Variants in ARHGAP35 observed in about 807,000 individuals in gnomAD.
ARHGAP35 encodes the protein rho GTPase-activating protein 35.
In ARHGAP35, 15 loss-of-function variants were observed where a neutral mutation model predicts 111.1. The observed-to-expected ratio is 0.13, with a 90% confidence interval of 0.09 to 0.21. ARHGAP35 has a LOEUF of 0.21. Ranked by LOEUF, ARHGAP35 falls within the 10% of genes least tolerant of loss-of-function variation. The pLI, the probability that ARHGAP35 is intolerant of heterozygous loss-of-function variation, is 1.00. For missense variants in ARHGAP35, 1,262 were observed against 1,873.0 expected (o/e 0.67, Z 6.02); for synonymous variants, 643 against 710.3 (o/e 0.91, Z 1.51).
chr19:46,994,731 G>T lies in ARHGAP35; in HGVS notation c.4037-4573G>T, dbSNP rs1198888481. 6.6e-6 allele frequency among the ~76,000 whole-genome samples: 1 copy of T among 152,136 alleles called. No individual in the cohort carries two copies. Among genetic ancestry groups the T allele is most frequent in the Non-Finnish European group, 1.5e-5 (1 of 68,032 alleles). Reference sequence around the variant, plus strand: ...TAGACCGTAAGCGGCAGGGAATTTGGTTTTTGTCCCCTACTGCATCCCCAG... The same window carrying T: ...TAGACCGTAAGCGGCAGGGAATTTGTTTTTTGTCCCCTACTGCATCCCCAG... On this transcript the variant is annotated intron_variant, in intron 5 of 6. Transcript: ENST00000672722. The surrounding 1 kb of genome is among the most constrained non-coding windows in gnomAD (Gnocchi z 5.4).
rs886988454 is a variant in ARHGAP35, at chr19:46,892,761, T to G, written c.-188-25727T>G. Among the ~76,000 whole-genome samples the G allele has an allele frequency of 3.3e-5, 5 of 151,798 alleles. No homozygotes were observed. The East Asian group carries it at 5.8e-4, about 18-fold the overall frequency. On this transcript the variant is annotated intron_variant, in intron 1 of 6. Coordinates refer to ENST00000672722, the MANE Select transcript of ARHGAP35 (RefSeq NM_004491.5). The stretch of plus-strand genomic sequence containing the variant: ...AATAATTGTTAGCTGCTTGTCCTCA[T>G]AGTTCTTTCCATAGGTTGATTCTGA...
intron 1 of ARHGAP35, among the ~76,000 whole-genome samples, chr19:46,870,452 G>A (rs981542058): frequency 1.3e-5 from 2 of 151,752 alleles, no homozygotes; most frequent in Non-Finnish European, 2.9e-5. Flanking sequence ...GGTGGCGGGC[G>A]CCTGTAGTCC....
At chr19:46,910,300 A>AT (rs895382703) in intron 1 of ARHGAP35, among the ~76,000 whole-genome samples, 25 of 150,414 alleles carry the variant, frequency 1.7e-4, no homozygotes, top group African/African-American at 4.9e-4. Flanking sequence ...TTTTTCTTTT[A>AT]TTTTTTTTGA....
chr19:46,871,920 C>T (rs1286545267), intron 1 of ARHGAP35, among the ~76,000 whole-genome samples: 1 of 151,970 alleles, frequency 6.6e-6, no homozygotes, highest in Non-Finnish European at 1.5e-5. Context: ...ACAGAGGTTG[C>T]AGTGAGCGGA....
chr19:46,995,084 C>A (rs1049579912), intron 5 of ARHGAP35, among the ~76,000 whole-genome samples: 1 of 152,170 alleles, frequency 6.6e-6, no homozygotes, highest in African/African-American at 2.4e-5. Flanking sequence ...GTGCCTCCCC[C>A]AGTCCTGAGT....
intron 2 of ARHGAP35, among the ~76,000 whole-genome samples, chr19:46,923,794 G>A (rs1411258224): frequency 2.6e-5 from 4 of 151,528 alleles, no homozygotes; most frequent in Non-Finnish European, 5.9e-5. Flanking sequence ...GGTGGCAGGC[G>A]CCTATAGTCC....
intron 2 of ARHGAP35, among the ~76,000 whole-genome samples, chr19:46,928,482 T>A (rs951937852): frequency 8.6e-5 from 13 of 152,008 alleles, no homozygotes; most frequent in African/African-American, 2.7e-4. Context: ...AAGTCCAAAT[T>A]CAGTGTGTGT....
At chr19:46,957,783 C>T (rs140764724) in intron 3 of ARHGAP35, among the ~76,000 whole-genome samples, 10 of 152,148 alleles carry the variant, frequency 6.6e-5, no homozygotes, top group Non-Finnish European at 1.2e-4. Context: ...CTGTGCTTCT[C>T]GCATTCGTGC....
rs890162390 is a variant in ARHGAP35, at chr19:46,926,602, C to T, written c.3681+4246C>T. Reference sequence around the variant, plus strand: ...AAGACATTATTGGCTATTTACCCTTCTATCTGATGTGTTCTTATTTTGGTG... The same window carrying T: ...AAGACATTATTGGCTATTTACCCTTTTATCTGATGTGTTCTTATTTTGGTG... On this transcript the variant is annotated intron_variant, in intron 2 of 6. Coordinates refer to ENST00000672722, the MANE Select transcript of ARHGAP35 (RefSeq NM_004491.5). The surrounding 1 kb of genome is among the most constrained non-coding windows in gnomAD (Gnocchi z 4.1). Among the ~76,000 whole-genome samples the T allele has an allele frequency of 6.6e-6, 1 of 151,884 alleles. No homozygotes were observed. The highest frequency in any genetic ancestry group is 2.4e-5 in the African/African-American group (1 of 41,314).
chr19:46,880,167 T>C (rs933891228), intron 1 of ARHGAP35, among the ~76,000 whole-genome samples: 1 of 152,040 alleles, frequency 6.6e-6, no homozygotes, highest in Non-Finnish European at 1.5e-5. Context: ...GGCGTGTGGC[T>C]CACGCCTGTA....
chr19:46,957,159 C>T (rs2056444305), intron 3 of ARHGAP35, among the ~76,000 whole-genome samples: 1 of 151,884 alleles, frequency 6.6e-6, no homozygotes, highest in Non-Finnish European at 1.5e-5. Flanking sequence ...GACGGGGTTT[C>T]ACCATGTTAG....
rs199897795 is a variant in ARHGAP35, at chr19:46,919,654, C to T, written c.979C>T (p.Arg327Cys). The change falls in exon 2 of 7, where the codon CGC (arginine) becomes TGC (cysteine). Residue 327 changes from arginine to cysteine, a missense_variant. Arg to Cys is a radical substitution (Grantham distance 180). Around this residue, in one of 8 missense-constraint regions of ARHGAP35, gnomAD observed 328 missense variants for 440.8 expected, o/e 0.74. Coordinates refer to ENST00000672722, the MANE Select transcript of ARHGAP35 (RefSeq NM_004491.5). This position sits in a 1 kb window ranked among gnomAD's most constrained non-coding sequence, Gnocchi z 6.2. The part of the protein sequence containing the change: ...AKKLFLQHIH[R>C]LKHEHIERRR... ...GAAGCTGTTTCTACAGCACATCCAC[C>T]GCCTCAAGCATGAGCATATCGAGCG... The T allele has an allele frequency of 1.8e-5, 29 of 1,613,932 alleles. No individual in the cohort carries two copies. The highest frequency in any genetic ancestry group is 1.8e-4 in the South Asian group (16 of 91,072).
intron 2 of ARHGAP35, among the ~76,000 whole-genome samples, chr19:46,928,466 G>A (rs993619471): frequency 3.3e-5 from 5 of 152,138 alleles, no homozygotes; most frequent in South Asian, 4.1e-4. Context: ...GACCCATAGC[G>A]TTGGAAAGTC....
rs760530208 is a variant in ARHGAP35, at chr19:46,919,209, C to T, written c.534C>T (p.Leu178=). The T allele has an allele frequency of 6.2e-7, 1 of 1,613,900 alleles. No individual in the cohort carries two copies. The highest frequency in any genetic ancestry group is 8.5e-7 in the Non-Finnish European group (1 of 1,179,876). The change falls in exon 2 of 7, where the codon CTC becomes CTT. Residue 178 remains leucine, a synonymous_variant. Transcript: ENST00000672722. This position sits in a 1 kb window ranked among gnomAD's most constrained non-coding sequence, Gnocchi z 6.2. ...RGMNRNFDDQ[L]KFVSNLYNQL... is the part of the protein sequence containing the mutation. Reference sequence around the variant, plus strand: ...TGAATAGGAACTTTGATGACCAGCTCAAGTTTGTCTCCAATCTCTACAATC... The same window carrying T: ...TGAATAGGAACTTTGATGACCAGCTTAAGTTTGTCTCCAATCTCTACAATC...
chr19:46,901,616 C>T lies in ARHGAP35; in HGVS notation c.-188-16872C>T, dbSNP rs1022409855. On this transcript the variant is annotated intron_variant, in intron 1 of 6. Coordinates refer to ENST00000672722, the MANE Select transcript of ARHGAP35 (RefSeq NM_004491.5). This position sits in a 1 kb window ranked among gnomAD's most constrained non-coding sequence, Gnocchi z 4.5. ...AAGATAACTTGCTGCTCTAGGAGAG[C>T]AAGAGTATACATGTGAAGAACGCGT... Among the ~76,000 whole-genome samples the T allele has an allele frequency of 3.9e-5, 6 of 152,148 alleles. No homozygotes were observed. Among genetic ancestry groups the T allele is most frequent in the Non-Finnish European group, 8.8e-5 (6 of 68,034 alleles).
chr19:46,878,107 T>C (rs1327210611), intron 1 of ARHGAP35, among the ~76,000 whole-genome samples: 1 of 152,140 alleles, frequency 6.6e-6, no homozygotes, highest in Non-Finnish European at 1.5e-5. Flanking sequence ...CACTGCACCT[T>C]CCACCTCCCA....
rs1311538357 is a variant in ARHGAP35 at position 46,989,595 on chromosome 19, G to C, written c.3956G>C (p.Gly1319Ala). 1 of 1,613,860 alleles carries C rather than the reference G, an allele frequency of 6.2e-7. No individual in the cohort carries two copies. The highest frequency in any genetic ancestry group is 8.5e-7 in the Non-Finnish European group (1 of 1,179,892). ...EKDFTVNTVA[G>A]AMKSFFSELP... ...GACTTTACGGTGAATACCGTGGCTGGTGCCATGAAGAGCTTTTTCTCAGAA... is the reference window on the plus strand; with the variant it reads ...GACTTTACGGTGAATACCGTGGCTGCTGCCATGAAGAGCTTTTTCTCAGAA... Residue 1319 changes from glycine to alanine, a missense_variant, in exon 5 of 7, where the codon GGT becomes GCT. Physicochemically the swap from Gly to Ala is moderately conservative, Grantham distance 60. Around this residue, in one of 8 missense-constraint regions of ARHGAP35, gnomAD observed 45 missense variants for 118.2 expected, o/e 0.38. Coordinates refer to ENST00000672722, the MANE Select transcript of ARHGAP35 (RefSeq NM_004491.5). This position sits in a 1 kb window ranked among gnomAD's most constrained non-coding sequence, Gnocchi z 5.3.
chr19:46,888,799 C>G (rs1403960817), intron 1 of ARHGAP35, among the ~76,000 whole-genome samples: 4 of 142,808 alleles, frequency 2.8e-5, no homozygotes, highest in Non-Finnish European at 6.0e-5. Context: ...CGAGACCATC[C>G]TGGCTAACAC....
intron 1 of ARHGAP35, among the ~76,000 whole-genome samples, chr19:46,881,197 C>A (rs2055960878): frequency 6.6e-6 from 1 of 152,112 alleles, no homozygotes; most frequent in South Asian, 2.1e-4. Context: ...ACCTCGGCCT[C>A]CCAAAGTGCA....
Sources: allele counts gnomAD v4.1 joint callset (sites outside exome capture counted in the v4.1 genomes callset), GRCh38; gene constraint gnomAD v4.1.1; regional missense constraint gnomAD v4.1.1; non-coding constraint Gnocchi (gnomAD v3.1); transcripts MANE v1.5; gene names NCBI Gene and HGNC (gene_info 2026-07-23, HGNC 2026-07-21).